The following ADAMTSL1 variants were observed in gnomAD, a reference collection of about 807,000 sequenced individuals.
ADAMTSL1 encodes ADAMTS like 1.
ADAMTSL1 carries 126 observed loss-of-function variants against 201.8 expected under a neutral mutation model. That is an observed-to-expected ratio of 0.62 (90% CI 0.54 to 0.72). The LOEUF is 0.72. ADAMTSL1 is among the 30% of genes least tolerant of loss of function. The probability of loss-of-function intolerance (pLI) is 0.00; values close to 1 mark genes in which losing one functional copy is unlikely to be tolerated. For missense variants in ADAMTSL1, 2,679 were observed against 2,277.8 expected, an observed-to-expected ratio of 1.18 and a Z score of -3.59; for synonymous variants, 1,121 against 903.4, an observed-to-expected ratio of 1.24 and a Z score of -4.32.
chr9:18,633,594 C>A (rs1826915144), intron 5 of ADAMTSL1, among the ~76,000 whole-genome samples: 1 of 144,508 alleles, frequency 6.9e-6, no homozygotes, highest in Non-Finnish European at 1.5e-5. Context: ...GACTCCATCT[C>A]AAAAAACAAA....
chr9:18,905,713 G>A, intron 26 of ADAMTSL1, 69 bp from the exon 27 acceptor site: 1 of 1,253,790 alleles, frequency 8.0e-7, no homozygotes, highest in Non-Finnish European at 1.1e-6. Flanking sequence ...ATGCCATGCA[G>A]CCCAAGCACG....
chr9:18,540,213 A>G lies in ADAMTSL1; in HGVS notation c.237+6921A>G, dbSNP rs1462668619. Among the ~76,000 whole-genome samples the G allele has an allele frequency of 3.3e-5, 5 of 152,222 alleles. No homozygotes were observed. In the East Asian group the frequency reaches 9.6e-4, roughly 29 times the overall value. On this transcript the variant is annotated intron_variant, in intron 3 of 28. Coordinates refer to ENST00000380548, the MANE Select transcript of ADAMTSL1 (RefSeq NM_001040272.6). ...TTTCTAGGCACTGGCGTATAATATTAACAGAGAAAGATAATGCCCCTGTTC... is the reference window on the plus strand; with the variant it reads ...TTTCTAGGCACTGGCGTATAATATTGACAGAGAAAGATAATGCCCCTGTTC...
intron 23 of ADAMTSL1, among the ~76,000 whole-genome samples, chr9:18,876,145 T>C (rs2131484261): frequency 6.6e-6 from 1 of 152,256 alleles, no homozygotes; most frequent in African/African-American, 2.4e-5. Context: ...ATGTGTTAGG[T>C]GAGTCTCTTG....
chr9:18,817,076 C>A (rs1240233579), intron 20 of ADAMTSL1, 33 bp from the exon 21 acceptor site: 9 of 1,604,250 alleles, frequency 5.6e-6, no homozygotes, highest in Non-Finnish European at 7.6e-6. Flanking sequence ...CAGTCACCAC[C>A]AAGTAACATC....
chr9:17,940,418 C>A (rs1827189544), intron 1 of ADAMTSL1, among the ~76,000 whole-genome samples: 1 of 151,806 alleles, frequency 6.6e-6, no homozygotes, highest in Admixed American at 6.6e-5. Flanking sequence ...ATTCAATGGC[C>A]AAGTAGGGAG....
At chr9:18,844,383 C>T (rs1366449687) in intron 23 of ADAMTSL1, among the ~76,000 whole-genome samples, 3 of 152,166 alleles carry the variant, frequency 2.0e-5, no homozygotes, top group African/African-American at 4.8e-5. Flanking sequence ...GCTGTCTGAT[C>T]GTTCCTCTGA....
chr9:18,052,906 C>T (rs1173216145), intron 1 of ADAMTSL1, among the ~76,000 whole-genome samples: 1 of 152,120 alleles, frequency 6.6e-6, no homozygotes, highest in East Asian at 1.9e-4. Context: ...TTGACATGGT[C>T]ACCTACTTTT....
intron 3 of ADAMTSL1, among the ~76,000 whole-genome samples, chr9:18,547,648 A>AAAAAAAAAAAAAAC: frequency 6.6e-6 from 1 of 150,600 alleles, no homozygotes; most frequent in African/African-American, 2.4e-5. Flanking sequence ...AAAAAAAAAA[A>AAAAAAAAAAAAAAC]AAAAAAGACA....
chr9:18,489,021 C>T (rs1457695170), intron 1 of ADAMTSL1, among the ~76,000 whole-genome samples: 1 of 152,144 alleles, frequency 6.6e-6, no homozygotes, highest in Non-Finnish European at 1.5e-5. Flanking sequence ...ATAAAAATCA[C>T]CTCAGGAATT....
chr9:18,421,285 G>A (rs1458959051), intron 2 of ADAMTSL1, among the ~76,000 whole-genome samples: 1 of 152,110 alleles, frequency 6.6e-6, no homozygotes, highest in East Asian at 1.9e-4. Flanking sequence ...GAGTAACTCT[G>A]CAATACCTGT....
intron 15 of ADAMTSL1, among the ~76,000 whole-genome samples, chr9:18,732,953 T>C (rs1021665693): frequency 6.6e-5 from 10 of 152,222 alleles, no homozygotes; most frequent in Non-Finnish European, 1.5e-4. Flanking sequence ...AATGATTCCA[T>C]TCCTATCCTA....
chr9:18,770,464 G>C, intron 16 of ADAMTSL1, 138 bp from the exon 17 acceptor site: 1 of 862,122 alleles, frequency 1.2e-6, no homozygotes, highest in South Asian at 2.0e-5. Flanking sequence ...AAAATCCTTT[G>C]GGCCGATTCC....
At chr9:18,515,337 T>G (rs1390599943) in intron 2 of ADAMTSL1, among the ~76,000 whole-genome samples, 1 of 152,182 alleles carries the variant, frequency 6.6e-6, no homozygotes, top group Non-Finnish European at 1.5e-5. Flanking sequence ...GAATTTTTGT[T>G]GTTTGTTTGT....
rs115850829 is a variant in ADAMTSL1, at chr9:18,239,930, T to C, written c.207+75949T>C. Among the ~76,000 whole-genome samples the C allele has an allele frequency of 2.3e-3, 354 of 152,310 alleles. 4 individuals are homozygous for C. Among genetic ancestry groups the C allele is most frequent in the Middle Eastern group, 0.014 (4 of 294 alleles). On this transcript the variant is annotated intron_variant, in intron 2 of 29. Coordinates refer to the ADAMTSL1 transcript ENST00000680146. ...GCTCCATTTCTAATTCTAGTTCTCT[T>C]ACTATTTTTACATCTTCAGTGACTT...
At chr9:18,297,047 A>G (rs1833504829) in intron 2 of ADAMTSL1, among the ~76,000 whole-genome samples, 1 of 152,216 alleles carries the variant, frequency 6.6e-6, no homozygotes, top group African/African-American at 2.4e-5. Context: ...AAGTTAAGGA[A>G]GTGTTATCAC....
intron 2 of ADAMTSL1, among the ~76,000 whole-genome samples, chr9:18,348,458 C>A (rs1835821111): frequency 6.6e-6 from 1 of 152,280 alleles, no homozygotes; most frequent in East Asian, 1.9e-4. Context: ...CTAGTGTCAT[C>A]TATAAAATGG....
At chr9:18,296,533 C>T (rs1833483317) in intron 2 of ADAMTSL1, among the ~76,000 whole-genome samples, 1 of 151,972 alleles carries the variant, frequency 6.6e-6, no homozygotes, top group Admixed American at 6.6e-5. Context: ...AATATGGATG[C>T]ATATACATAT....
At chr9:18,804,432 T>G (rs2131102850) in intron 20 of ADAMTSL1, among the ~76,000 whole-genome samples, 1 of 152,148 alleles carries the variant, frequency 6.6e-6, no homozygotes, top group Non-Finnish European at 1.5e-5. Context: ...CAGCAGGGAG[T>G]TAAAAACTCC....
chr9:18,872,235 C>T, intron 23 of ADAMTSL1, among the ~76,000 whole-genome samples: 1 of 152,108 alleles, frequency 6.6e-6, no homozygotes, highest in Non-Finnish European at 1.5e-5. Flanking sequence ...TTCTGTGATA[C>T]TTACAGAGCA....
Sources: gnomAD v4.1 joint callset for allele counts (sites outside exome capture counted in the v4.1 genomes callset) on GRCh38, gnomAD v4.1.1 for gene constraint, MANE v1.5 for transcripts, NCBI Gene and HGNC (gene_info 2026-07-23, HGNC 2026-07-21) for gene names.